The following DTNB variants were observed in gnomAD, a reference collection of about 807,000 sequenced individuals.
DTNB encodes dystrobrevin beta.
Under a neutral mutation model 90.7 loss-of-function variants are expected in DTNB, and 63 were observed. The observed-to-expected ratio is 0.69, with a 90% CI of 0.57 to 0.86. DTNB has a LOEUF of 0.86. DTNB is among the 40% of genes least tolerant of loss of function. The probability of loss-of-function intolerance (pLI) is 0.00; values close to 1 mark genes in which losing one functional copy is unlikely to be tolerated. For missense variants in DTNB, 744 were observed against 807.1 expected (o/e 0.92, Z 0.95); for synonymous variants, 277 against 286.7 (o/e 0.97, Z 0.34).
intron 1 of DTNB, among the ~76,000 whole-genome samples, chr2:25,670,109 T>C (rs1559458701): frequency 6.6e-6 from 1 of 152,076 alleles, no homozygotes; most frequent in Admixed American, 6.5e-5. Context: ...ACATAAGAGA[T>C]TGTGTAGTAG....
intron 4 of DTNB, among the ~76,000 whole-genome samples, chr2:25,608,470 T>C (rs2067649495): frequency 6.6e-6 from 1 of 152,224 alleles, no homozygotes; most frequent in Non-Finnish European, 1.5e-5. Context: ...TGACTGCAAC[T>C]AGCTAAAATT....
At chr2:25,472,159 T>C (rs1558666796) in intron 10 of DTNB, among the ~76,000 whole-genome samples, 1 of 152,194 alleles carries the variant, frequency 6.6e-6, no homozygotes, top group African/African-American at 2.4e-5. Context: ...CTCAAAGAGC[T>C]TGTAGTCTAG....
intron 1 of DTNB, among the ~76,000 whole-genome samples, chr2:25,671,762 G>C (rs1166928080): frequency 6.6e-6 from 1 of 152,152 alleles, no homozygotes; most frequent in African/African-American, 2.4e-5. Flanking sequence ...AATCCTTAGA[G>C]AACTCATAAA....
At chr2:25,639,748 C>T (rs886233412) in intron 2 of DTNB, among the ~76,000 whole-genome samples, 9 of 152,162 alleles carry the variant, frequency 5.9e-5, no homozygotes, top group African/African-American at 1.2e-4. Context: ...GCACAGAATG[C>T]GGCAGAAGTA....
chr2:25,670,219 T>A (rs1358446530), intron 1 of DTNB, among the ~76,000 whole-genome samples: 7 of 152,232 alleles, frequency 4.6e-5, no homozygotes, highest in Non-Finnish European at 1.0e-4. Flanking sequence ...TGGTATGATG[T>A]CATTAATGCA....
intron 16 of DTNB, among the ~76,000 whole-genome samples, chr2:25,393,896 C>A (rs2041783706): frequency 6.6e-6 from 1 of 151,972 alleles, no homozygotes; most frequent in Non-Finnish European, 1.5e-5. Flanking sequence ...AAAAAACAAC[C>A]CTTAAATTCA....
rs530095763 is a variant in DTNB at position 25,414,440 on chromosome 2, G to A, written c.1575+5075C>T. On this transcript the variant is annotated intron_variant, in intron 16 of 20. Coordinates refer to ENST00000406818, the MANE Select transcript of DTNB (RefSeq NM_021907.5). The stretch of plus-strand genomic sequence containing the variant: ...CGGCTAATTTTTTGTATTTTTAGTA[G>A]AGACAGGGTTTCACCGTGTTAGCCA... Among the ~76,000 whole-genome samples, 6 of 152,254 alleles carry A rather than the reference G, an allele frequency of 3.9e-5. No individual in the cohort carries two copies. In the South Asian group the frequency reaches 1.2e-3, roughly 32 times the overall value.
intron 10 of DTNB, chr2:25,481,924 T>G (rs1424351175): frequency 6.6e-6 from 1 of 152,262 alleles, no homozygotes; most frequent in Non-Finnish European, 1.5e-5. Context: ...CAAACATCAT[T>G]GTCTTAAGCA....
intron 4 of DTNB, among the ~76,000 whole-genome samples, chr2:25,623,848 G>T (rs1296735936): frequency 3.9e-5 from 6 of 152,134 alleles, no homozygotes; most frequent in Non-Finnish European, 7.4e-5. Flanking sequence ...ATATTAGATT[G>T]TAAGTGTAAA....
At chr2:25,406,377 C>CA (rs1289108580) in intron 16 of DTNB, among the ~76,000 whole-genome samples, 10 of 151,488 alleles carry the variant, frequency 6.6e-5, no homozygotes, top group South Asian at 2.1e-4. Context: ...ACTAAAAATA[C>CA]AAAAAAAATT....
chr2:25,614,989 A>T (rs2069833463), intron 4 of DTNB, among the ~76,000 whole-genome samples: 1 of 152,212 alleles, frequency 6.6e-6, no homozygotes, highest in African/African-American at 2.4e-5. Context: ...CCCACTTCAG[A>T]TATCAGTAGC....
At chr2:25,635,921 A>G (rs928072490) in intron 3 of DTNB, among the ~76,000 whole-genome samples, 3 of 152,184 alleles carry the variant, frequency 2.0e-5, no homozygotes, top group Non-Finnish European at 4.4e-5. Flanking sequence ...TATTGGTAGA[A>G]GGATAGACAA....
intron 3 of DTNB, among the ~76,000 whole-genome samples, chr2:25,629,169 A>G (rs1216557182): frequency 6.6e-6 from 1 of 152,238 alleles, no homozygotes; most frequent in Non-Finnish European, 1.5e-5. Flanking sequence ...AGAAGACTGC[A>G]AAATAATTTT....
At chr2:25,653,514 T>TCTTC (rs2081440324) in intron 1 of DTNB, among the ~76,000 whole-genome samples, 1 of 97,966 alleles carries the variant, frequency 1.0e-5, no homozygotes, top group East Asian at 9.2e-4. Flanking sequence ...TTTCTTTCTT[T>TCTTC]CTTTTTTTTT....
chr2:25,635,937 C>T (rs1330549427), intron 3 of DTNB, among the ~76,000 whole-genome samples: 1 of 152,096 alleles, frequency 6.6e-6, no homozygotes, highest in Non-Finnish European at 1.5e-5. Flanking sequence ...GACAAACAGA[C>T]CAGGGAACAC....
At chr2:25,556,152 G>C (rs2057308140) in intron 8 of DTNB, among the ~76,000 whole-genome samples, 1 of 138,722 alleles carries the variant, frequency 7.2e-6, no homozygotes, top group South Asian at 2.3e-4. Context: ...TGGATGTTTT[G>C]GTGTTTTGGC....
At chr2:25,608,574 G>A (rs1423976040) in intron 4 of DTNB, among the ~76,000 whole-genome samples, 1 of 152,168 alleles carries the variant, frequency 6.6e-6, no homozygotes, top group Non-Finnish European at 1.5e-5. Flanking sequence ...GCATATTCCT[G>A]CATCAAATAT....
At chr2:25,594,673 T>C (rs1357468509) in intron 6 of DTNB, among the ~76,000 whole-genome samples, 2 of 152,250 alleles carry the variant, frequency 1.3e-5, no homozygotes, top group Non-Finnish European at 2.9e-5. Flanking sequence ...TTTACCTTTT[T>C]ATCTTTAAAT....
chr2:25,419,048 T>C (rs977197313), intron 16 of DTNB: 1 of 159,454 alleles, frequency 6.3e-6, no homozygotes, highest in East Asian at 1.8e-4. Context: ...GTAATTTTGT[T>C]AAGGAGGCTG....
Sources: allele counts gnomAD v4.1 joint callset (sites outside exome capture counted in the v4.1 genomes callset), GRCh38; gene constraint gnomAD v4.1.1; transcripts MANE v1.5; gene names NCBI Gene and HGNC (gene_info 2026-07-23, HGNC 2026-07-21).